Variants in ST8SIA3 observed in about 807,000 individuals in gnomAD.
The protein encoded by ST8SIA3 is ST8 alpha-N-acetyl-neuraminide alpha-2,8-sialyltransferase 3, also known as alpha-N-acetylneuraminate alpha-2,8-sialyltransferase ST8SIA3.
ST8SIA3 carries 17 observed loss-of-function variants against 34.5 expected under a neutral mutation model. The observed-to-expected ratio is 0.49, with a 90% CI of 0.34 to 0.74. The LOEUF (loss-of-function observed/expected upper bound fraction) is 0.74, where lower values mean the gene tolerates loss of function less well. ST8SIA3 is among the 30% of genes least tolerant of loss of function. ST8SIA3 has a pLI of 0.01. For synonymous variants in ST8SIA3, 172 were observed against 176.1 expected, an observed-to-expected ratio of 0.98 and a Z score of 0.19; for missense variants, 354 against 467.8, an observed-to-expected ratio of 0.76 and a Z score of 2.24.
At chr18:57,356,789 G>A (rs1022569671) in intron 2 of ST8SIA3, 124 bp from the exon 3 acceptor site, 8 of 646,698 alleles carry the variant, frequency 1.2e-5, no homozygotes, top group Admixed American at 1.2e-4. Flanking sequence ...AATTATGTAT[G>A]TATAATCTTT....
chr18:57,366,072 CACA>C lies in ST8SIA3; in HGVS notation c.*5800_*5802del, dbSNP rs949496915. 3.3e-5 allele frequency: 5 copies of C among 152,160 alleles called. No individual in the cohort carries two copies. The highest frequency in any genetic ancestry group is 7.2e-5 in the African/African-American group (3 of 41,434). 9.4% of individuals were successfully genotyped at this position (152,160 alleles called of 1,614,324 possible). A position where few individuals can be genotyped will look rare whatever the true frequency, so the allele number is the denominator to read the frequency against. On this transcript the variant is annotated 3_prime_UTR_variant, in exon 4 of 4. Transcript: ENST00000324000. ...TAACTTAATGTCAACCAGCTGAAAA[CACA>C]ACAATATGTTTTCAAGAGCCAGTAT...
At chr18:57,354,610 C>T (rs554857782) in intron 2 of ST8SIA3, 86 bp downstream of exon 2, 3 of 1,526,034 alleles carry the variant, frequency 2.0e-6, no homozygotes, top group East Asian at 2.3e-5. Context: ...CAAACAAAAA[C>T]ATCTAAAACA....
In ST8SIA3 at chr18:57,366,153, A is replaced by G. The variant is rs2049859432; in HGVS notation, c.*5876A>G. 6.6e-6 allele frequency: 1 copy of G among 152,210 alleles called. No homozygotes were observed. The highest frequency in any genetic ancestry group is 1.5e-5 in the Non-Finnish European group (1 of 68,044). 9.4% of individuals were successfully genotyped at this position (152,210 alleles called of 1,614,324 possible). ...GCTCCAGCATAGCACTGCCTGAACA[A>G]TTTTTAAGTCAGTGAGTACCAAATA... On this transcript the variant is annotated 3_prime_UTR_variant, in exon 4 of 4. Coordinates refer to ENST00000324000, the MANE Select transcript of ST8SIA3 (RefSeq NM_015879.3).
Position 57,360,576 on chromosome 18 carries a change from T to C in ST8SIA3, c.*299T>C, listed in dbSNP as rs191497544. Reference sequence around the variant, plus strand: ...TTGGATTTTAATAATAAACTGCCTCTCATTTTTATGAGGACTAGAGCTATA... The same window carrying C: ...TTGGATTTTAATAATAAACTGCCTCCCATTTTTATGAGGACTAGAGCTATA... On this transcript the variant is annotated 3_prime_UTR_variant, in exon 4 of 4. Coordinates refer to ENST00000324000, the MANE Select transcript of ST8SIA3 (RefSeq NM_015879.3). 34 of 341,030 alleles carry C rather than the reference T, an allele frequency of 1.0e-4. No homozygotes were observed. Among genetic ancestry groups the C allele is most frequent in the African/African-American group, 6.8e-4 (33 of 48,196 alleles). The allele number at this position is 341,030 out of a possible 1,614,324, so 21.1% of individuals were successfully genotyped here.
Position 57,363,967 on chromosome 18 carries a change from T to C in ST8SIA3, c.*3690T>C, listed in dbSNP as rs1027538771. The C allele has an allele frequency of 6.6e-6, 1 of 152,204 alleles. No homozygotes were observed. The highest frequency in any genetic ancestry group is 1.5e-5 in the Non-Finnish European group (1 of 68,042). The allele number at this position is 152,204 out of a possible 1,614,324, so 9.4% of individuals were successfully genotyped here. On this transcript the variant is annotated 3_prime_UTR_variant, in exon 4 of 4. Transcript: ENST00000324000. Reference sequence around the variant, plus strand: ...GCTGGGCTCACAGGGAAAGTGGTTTTTGGTCTGGGATCTGCAGAGCACATA... The same window carrying C: ...GCTGGGCTCACAGGGAAAGTGGTTTCTGGTCTGGGATCTGCAGAGCACATA...
rs765555933 is a variant in ST8SIA3, at chr18:57,352,767, CACAT to C, written c.-78_-75del. ...ACACACACACACACACACACACACA[CACAT>C]ATATACACGCCAGCGAGCTGCTGGC... On this transcript the variant is annotated 5_prime_UTR_variant, in exon 1 of 4. Transcript: ENST00000324000. The C allele has an allele frequency of 1.1e-5, 12 of 1,053,878 alleles. No homozygotes were observed. Among genetic ancestry groups the C allele is most frequent in the South Asian group, 7.7e-5 (6 of 77,898 alleles). 65.3% of individuals were successfully genotyped at this position (1,053,878 alleles called of 1,614,324 possible).
In ST8SIA3 at chr18:57,361,087, A is replaced by G. The variant is rs1332511510; in HGVS notation, c.*810A>G. 6.6e-6 allele frequency: 1 copy of G among 152,218 alleles called. No individual in the cohort carries two copies. The highest frequency in any genetic ancestry group is 1.5e-5 in the Non-Finnish European group (1 of 68,052). The allele number at this position is 152,218 out of a possible 1,614,324, so 9.4% of individuals were successfully genotyped here. ...CACAAAGAAAGCCTATGTTGTGGAT[A>G]GCATTGCGTCTCTTGATGTAGGCAT... On this transcript the variant is annotated 3_prime_UTR_variant, in exon 4 of 4. Transcript: ENST00000324000.
intron 3 of ST8SIA3, 53 bp downstream of exon 3, chr18:57,357,523 GT>G: frequency 7.0e-7 from 1 of 1,425,810 alleles, no homozygotes; most frequent in Non-Finnish European, 9.7e-7. Context: ...GCAAATCAAT[GT>G]TGTAATCTCT....
rs1309528673 is a variant in ST8SIA3 at position 57,360,645 on chromosome 18, C to G, written c.*368C>G. ...AGATAGTCCTCATAATCAGAGGCCT[C>G]TGGCCAACTGGGGCAGGACCTGTTT... On this transcript the variant is annotated 3_prime_UTR_variant, in exon 4 of 4. Transcript: ENST00000324000. The G allele has an allele frequency of 1.1e-5, 2 of 181,314 alleles. No homozygotes were observed. Among genetic ancestry groups the G allele is most frequent in the African/African-American group, 4.7e-5 (2 of 42,250 alleles). 11.2% of individuals were successfully genotyped at this position (181,314 alleles called of 1,614,324 possible).
Position 57,364,875 on chromosome 18 carries a change from T to A in ST8SIA3, c.*4598T>A, listed in dbSNP as rs1443566525. 6.6e-6 allele frequency: 1 copy of A among 152,534 alleles called. No homozygotes were observed. The highest frequency in any genetic ancestry group is 6.5e-5 in the Admixed American group (1 of 15,282). 9.4% of individuals were successfully genotyped at this position (152,534 alleles called of 1,614,324 possible). ...TCATCTTATGCAGTATTTCTGAAAA[T>A]TTATTTTTATTGTGATGACTGATTG... On this transcript the variant is annotated 3_prime_UTR_variant, in exon 4 of 4. Coordinates refer to ENST00000324000, the MANE Select transcript of ST8SIA3 (RefSeq NM_015879.3).
In ST8SIA3 at chr18:57,364,153, T is replaced by A. The variant is rs141731863; in HGVS notation, c.*3876T>A. 6.6e-6 allele frequency: 1 copy of A among 152,358 alleles called. No homozygotes were observed. The highest frequency in any genetic ancestry group is 1.5e-5 in the Non-Finnish European group (1 of 68,032). 9.4% of individuals were successfully genotyped at this position (152,358 alleles called of 1,614,324 possible). A position where few individuals can be genotyped will look rare whatever the true frequency, so the allele number is the denominator to read the frequency against. On this transcript the variant is annotated 3_prime_UTR_variant, in exon 4 of 4. Coordinates refer to ENST00000324000, the MANE Select transcript of ST8SIA3 (RefSeq NM_015879.3). ...CTGAGATGAAACAAAACACGCTTGGTAAATCATGATTTGATAAATAACAAT... is the reference window on the plus strand; with the variant it reads ...CTGAGATGAAACAAAACACGCTTGGAAAATCATGATTTGATAAATAACAAT...
rs1227577743 is a variant in ST8SIA3, at chr18:57,352,823, T to G, written c.-24T>G. On this transcript the variant is annotated 5_prime_UTR_variant, in exon 1 of 4. Coordinates refer to ENST00000324000, the MANE Select transcript of ST8SIA3 (RefSeq NM_015879.3). Reference sequence around the variant, plus strand: ...GCTCAATGGACCGATTTCCCCGGTTTCCCTGAACCCAGCCCAGCCCGGGAT... The same window carrying G: ...GCTCAATGGACCGATTTCCCCGGTTGCCCTGAACCCAGCCCAGCCCGGGAT... 17 of 1,610,560 alleles carry G rather than the reference T, an allele frequency of 1.1e-5. No individual in the cohort carries two copies. Among genetic ancestry groups the G allele is most frequent in the African/African-American group, 1.3e-5 (1 of 74,690 alleles).
intron 3 of ST8SIA3, among the ~76,000 whole-genome samples, chr18:57,359,113 G>A (rs888463794): frequency 6.6e-6 from 1 of 152,078 alleles, no homozygotes; most frequent in African/African-American, 2.4e-5. Flanking sequence ...AAATACATGG[G>A]TTCAATGAAA....
Position 57,357,429 on chromosome 18 carries a change from C to T in ST8SIA3, c.819C>T (p.Val273=). ...FFVEHRGQLK[V]QLAWPGNIMQ... ...TTGAACACAGAGGTCAGTTAAAAGT[C>T]CAACTGGCTTGGCCGGGAAATATAA... The change falls in exon 3 of 4, where the codon GTC becomes GTT. Residue 273 remains valine (V), a synonymous_variant. Transcript: ENST00000324000. 6.2e-7 allele frequency: 1 copy of T among 1,612,688 alleles called. No individual in the cohort carries two copies. Among genetic ancestry groups the T allele is most frequent in the Non-Finnish European group, 8.5e-7 (1 of 1,179,860 alleles).
chr18:57,356,732 A>T (rs944770185), intron 2 of ST8SIA3, among the ~76,000 whole-genome samples, 181 bp from the exon 3 acceptor site: 1 of 152,242 alleles, frequency 6.6e-6, no homozygotes, highest in Non-Finnish European at 1.5e-5. Flanking sequence ...TGACTGAAAG[A>T]TTAGAATATG....
Position 57,364,486 on chromosome 18 carries a change from G to C in ST8SIA3, c.*4209G>C, listed in dbSNP as rs531821142. 1 of 152,186 alleles carries C rather than the reference G, an allele frequency of 6.6e-6. No individual in the cohort carries two copies. Among genetic ancestry groups the C allele is most frequent in the Admixed American group, 6.5e-5 (1 of 15,282 alleles). The allele number at this position is 152,186 out of a possible 1,614,324, so 9.4% of individuals were successfully genotyped here. ...AAAATGACAAACTGAGCAATTTTCT[G>C]TATAATTCTAGATTCTTAAAACCTT... On this transcript the variant is annotated 3_prime_UTR_variant, in exon 4 of 4. Transcript: ENST00000324000.
chr18:57,360,513 C>T lies in ST8SIA3; in HGVS notation c.*236C>T, dbSNP rs1790208209. 2.0e-6 allele frequency: 1 copy of T among 510,838 alleles called. No individual in the cohort carries two copies. The allele number at this position is 510,838 out of a possible 1,614,324, so 31.6% of individuals were successfully genotyped here. A position where few individuals can be genotyped will look rare whatever the true frequency, so the allele number is the denominator to read the frequency against. ...GATAAAGGGAATGTTGCATTTGGGA[C>T]TATGCTGCTAACGAAATGGTTTGAA... On this transcript the variant is annotated 3_prime_UTR_variant, in exon 4 of 4. Transcript: ENST00000324000.
Position 57,357,015 on chromosome 18 carries a change from A to G in ST8SIA3, c.405A>G (p.Lys135=), listed in dbSNP as rs750453274. 5 of 1,613,926 alleles carry G rather than the reference A, an allele frequency of 3.1e-6. No homozygotes were observed. The Admixed American group carries it at 8.3e-5, about 27-fold the overall frequency. The change falls in exon 3 of 4, where the codon AAA becomes AAG. Residue 135 remains lysine (K), a synonymous_variant. Coordinates refer to ENST00000324000, the MANE Select transcript of ST8SIA3 (RefSeq NM_015879.3). The part of the protein sequence containing the change: ...QLMHYDYSSH[K]YVFSISNNFR... ...TGCACTATGATTATTCCAGCCATAA[A>G]TATGTTTTCTCTATTAGCAATAACT... is the stretch of plus-strand genomic sequence containing the variant.
chr18:57,365,935 G>T lies in ST8SIA3; in HGVS notation c.*5658G>T, dbSNP rs1015707752. On this transcript the variant is annotated 3_prime_UTR_variant, in exon 4 of 4. Coordinates refer to ENST00000324000, the MANE Select transcript of ST8SIA3 (RefSeq NM_015879.3). ...ATTCTCAGACAGTTTTAGCTCTTTGGTGTGCTGCCAAATGTTTAACAACTG... is the reference window on the plus strand; with the variant it reads ...ATTCTCAGACAGTTTTAGCTCTTTGTTGTGCTGCCAAATGTTTAACAACTG... 2.0e-5 allele frequency: 3 copies of T among 152,164 alleles called. No homozygotes were observed. Among genetic ancestry groups the T allele is most frequent in the Admixed American group, 6.5e-5 (1 of 15,274 alleles). 9.4% of individuals were successfully genotyped at this position (152,164 alleles called of 1,614,324 possible).
Sources: allele counts gnomAD v4.1 joint callset (sites outside exome capture counted in the v4.1 genomes callset), GRCh38; gene constraint gnomAD v4.1.1; transcripts MANE v1.5; gene names NCBI Gene and HGNC (gene_info 2026-07-23, HGNC 2026-07-21).